Variants in PPP6R3 observed in about 807,000 individuals in gnomAD.
PPP6R3 encodes the protein protein phosphatase 6 regulatory subunit 3.
PPP6R3 carries 38 observed loss-of-function variants against 110.7 expected under a neutral mutation model. That is an observed-to-expected ratio of 0.34 (90% CI 0.26 to 0.45). The LOEUF is 0.45. PPP6R3 is among the 20% of genes least tolerant of loss of function. The probability of loss-of-function intolerance (pLI) is 1.00; values close to 1 mark genes in which losing one functional copy is unlikely to be tolerated. For synonymous variants in PPP6R3, 369 were observed against 373.5 expected (o/e 0.99, Z 0.14); for missense variants, 870 against 1,062.4 (o/e 0.82, Z 2.52).
intron 11 of PPP6R3, 49 bp downstream of exon 11, chr11:68,569,946 A>G: frequency 1.3e-6 from 2 of 1,525,920 alleles, no homozygotes; most frequent in Non-Finnish European, 1.8e-6. Context: ...TGGTTATAGC[A>G]GTTTTCCACT....
At chr11:68,509,869 C>T (rs1024071775) in intron 1 of PPP6R3, among the ~76,000 whole-genome samples, 4 of 150,312 alleles carry the variant, frequency 2.7e-5, no homozygotes, top group African/African-American at 7.3e-5. Flanking sequence ...CCTGCCTCTG[C>T]CTCCCGAGTA....
chr11:68,509,931 T>A (rs2099100171), intron 1 of PPP6R3, among the ~76,000 whole-genome samples: 1 of 151,064 alleles, frequency 6.6e-6, no homozygotes, highest in Non-Finnish European at 1.5e-5. Flanking sequence ...TTTTTTTTTT[T>A]AAGTAGAGAC....
intron 19 of PPP6R3, among the ~76,000 whole-genome samples, chr11:68,597,988 A>C (rs987484865): frequency 6.6e-6 from 1 of 152,100 alleles, no homozygotes; most frequent in Non-Finnish European, 1.5e-5. Flanking sequence ...GGGGAAAAAA[A>C]AAAAGTACAG....
intron 2 of PPP6R3, among the ~76,000 whole-genome samples, chr11:68,526,764 T>C (rs1307928567): frequency 2.0e-5 from 3 of 152,228 alleles, no homozygotes; most frequent in African/African-American, 7.2e-5. Flanking sequence ...AACTTGTTCG[T>C]AGTAGAAATA....
intron 1 of PPP6R3, among the ~76,000 whole-genome samples, chr11:68,469,275 C>T (rs185651955): frequency 7.9e-5 from 12 of 152,302 alleles, no homozygotes; most frequent in African/African-American, 2.6e-4. Flanking sequence ...TGTAGTTTGT[C>T]AATGCCTGCT....
At chr11:68,560,928 GTT>G (rs1197103779) in intron 8 of PPP6R3, among the ~76,000 whole-genome samples, 3 of 120,176 alleles carry the variant, frequency 2.5e-5, no homozygotes, top group African/African-American at 9.6e-5. Flanking sequence ...ACAGAGTCTC[GTT>G]CTGTCACCCA....
Position 68,614,559 on chromosome 11 carries a change from T to A in PPP6R3, c.*1442T>A. 2 of 1,497,996 alleles carry A rather than the reference T, an allele frequency of 1.3e-6. No individual in the cohort carries two copies. The highest frequency in any genetic ancestry group is 1.8e-6 in the Non-Finnish European group (2 of 1,134,344). The allele number at this position is 1,497,996 out of a possible 1,614,324, so 92.8% of individuals were successfully genotyped here. A position where few individuals can be genotyped will look rare whatever the true frequency, so the allele number is the denominator to read the frequency against. ...CATCCCAAGCAGCGTGCCTAAACAT[T>A]ACATTGCATATGGAAATAAAAGAAT... is the stretch of plus-strand genomic sequence containing the variant. On this transcript the variant is annotated 3_prime_UTR_variant, in exon 24 of 24. Coordinates refer to ENST00000393800, the MANE Select transcript of PPP6R3 (RefSeq NM_001164161.2).
chr11:68,483,112 ACAC>A (rs2098925945), intron 1 of PPP6R3, among the ~76,000 whole-genome samples: 2 of 152,204 alleles, frequency 1.3e-5, no homozygotes, highest in African/African-American at 4.8e-5. Flanking sequence ...CAGAAATAAA[ACAC>A]TACAAGCTGA....
intron 16 of PPP6R3, among the ~76,000 whole-genome samples, chr11:68,589,522 G>C (rs1163541465): frequency 2.0e-5 from 3 of 152,178 alleles, no homozygotes; most frequent in Non-Finnish European, 2.9e-5. Flanking sequence ...CATTGGGATA[G>C]AAGAGATTTA....
intron 3 of PPP6R3, among the ~76,000 whole-genome samples, chr11:68,542,239 AG>A (rs1380147580): frequency 1.3e-5 from 2 of 151,722 alleles, no homozygotes; most frequent in Non-Finnish European, 2.9e-5. Flanking sequence ...GGAAGTGCCC[AG>A]CTGTAGGTGG....
chr11:68,522,023 C>CT (rs1200380843), intron 2 of PPP6R3, among the ~76,000 whole-genome samples: 6 of 152,206 alleles, frequency 3.9e-5, no homozygotes, highest in African/African-American at 1.2e-4. Flanking sequence ...CCCACATTCT[C>CT]TATCAGTCCC....
chr11:68,510,928 C>G (rs988262939), intron 1 of PPP6R3, among the ~76,000 whole-genome samples: 1 of 152,060 alleles, frequency 6.6e-6, no homozygotes, highest in Non-Finnish European at 1.5e-5. Flanking sequence ...TAAGGATTGG[C>G]TCTCTCTTCT....
chr11:68,484,003 G>T (rs758646239), intron 1 of PPP6R3, among the ~76,000 whole-genome samples: 2 of 152,122 alleles, frequency 1.3e-5, no homozygotes, highest in Non-Finnish European at 2.9e-5. Context: ...CTTCTTTCAC[G>T]TAATAATATG....
At chr11:68,604,655 T>A (rs1938439196) in intron 22 of PPP6R3, among the ~76,000 whole-genome samples, 1 of 152,234 alleles carries the variant, frequency 6.6e-6, no homozygotes, top group African/African-American at 2.4e-5. Flanking sequence ...TAGAAAAGTT[T>A]AGCAGGTTTA....
At chr11:68,595,018 T>G (rs1207122258) in intron 18 of PPP6R3, among the ~76,000 whole-genome samples, 1 of 152,068 alleles carries the variant, frequency 6.6e-6, no homozygotes. Flanking sequence ...GCATCCATAT[T>G]CAAAAAAGTG....
At chr11:68,505,050 G>A (rs574877683) in intron 1 of PPP6R3, 3 of 152,092 alleles carry the variant, frequency 2.0e-5, no homozygotes, top group Non-Finnish European at 2.9e-5. Context: ...TCACTTATTT[G>A]TTCTTTTCTA....
At chr11:68,507,395 C>T (rs998007393) in intron 1 of PPP6R3, among the ~76,000 whole-genome samples, 5 of 151,916 alleles carry the variant, frequency 3.3e-5, no homozygotes, top group Admixed American at 1.3e-4. Context: ...TGGAAGATGC[C>T]TCTGAAGACA....
intron 14 of PPP6R3, among the ~76,000 whole-genome samples, chr11:68,580,882 C>T (rs2099551696): frequency 1.4e-5 from 2 of 147,638 alleles, no homozygotes; most frequent in Non-Finnish European, 1.5e-5. Flanking sequence ...CACCATTCTC[C>T]TGCCTCAGCC....
intron 1 of PPP6R3, among the ~76,000 whole-genome samples, chr11:68,467,705 A>G (rs193001153): frequency 2.4e-4 from 37 of 152,356 alleles, no homozygotes; most frequent in Admixed American, 1.6e-3. Context: ...AGTCTTGACA[A>G]TTGACTGAGG....
Sources: gnomAD v4.1 joint callset for allele counts (sites outside exome capture counted in the v4.1 genomes callset) on GRCh38, gnomAD v4.1.1 for gene constraint, MANE v1.5 for transcripts, NCBI Gene and HGNC (gene_info 2026-07-23, HGNC 2026-07-21) for gene names.